CADPS: variants seen among roughly 807,000 people sequenced by gnomAD.
The protein encoded by CADPS is calcium-dependent secretion activator 1.
In CADPS, 57 loss-of-function variants were observed where a neutral mutation model predicts 167.3. The observed-to-expected ratio is 0.34, with a 90% confidence interval of 0.28 to 0.42. CADPS has a LOEUF of 0.42. Ranked by LOEUF, CADPS falls within the 20% of genes least tolerant of loss-of-function variation. CADPS has a pLI of 1.00. For synonymous variants in CADPS, 676 were observed against 635.3 expected, an observed-to-expected ratio of 1.06 and a Z score of -0.96; for missense variants, 1,414 against 1,738.1, an observed-to-expected ratio of 0.81 and a Z score of 3.32.
At chr3:62,615,516 A>C (rs1377321803) in intron 6 of CADPS, among the ~76,000 whole-genome samples, 1 of 152,172 alleles carries the variant, frequency 6.6e-6, no homozygotes, top group Non-Finnish European at 1.5e-5. Context: ...GAGTTGAATG[A>C]ATGTTGATTA....
chr3:62,552,343 C>T (rs568963661), intron 10 of CADPS, among the ~76,000 whole-genome samples: 4 of 151,966 alleles, frequency 2.6e-5, no homozygotes, highest in Non-Finnish European at 4.4e-5. Context: ...CAAACCTGCA[C>T]GTTGTGCACA....
chr3:62,825,912 G>T (rs375115580), intron 1 of CADPS, among the ~76,000 whole-genome samples: 1 of 152,178 alleles, frequency 6.6e-6, no homozygotes, highest in African/African-American at 2.4e-5. Flanking sequence ...GGAGATTTTC[G>T]CAGCACTTAA....
At position 62,593,425 on chromosome 3, in the gene CADPS, T is replaced by C. The variant is rs371662775; in HGVS notation, c.1326-677A>G. Among the ~76,000 whole-genome samples the C allele has an allele frequency of 8.5e-5, 13 of 152,342 alleles. No homozygotes were observed. In the East Asian group the frequency reaches 2.3e-3, roughly 27 times the overall value. On this transcript the variant is annotated intron_variant, in intron 6 of 29. Transcript: ENST00000383710. ...CACCAGGTGCGGCTCACATGAGCCC[T>C]TGATGTGCCCTTCAAATGCAGCCTC... is the stretch of plus-strand genomic sequence containing the variant.
rs533280088 is a variant in CADPS, at chr3:62,492,276, A to C, written c.2884+14T>G. 1 of 1,612,398 alleles carries C rather than the reference A, an allele frequency of 6.2e-7. No individual in the cohort carries two copies. Among genetic ancestry groups the C allele is most frequent in the African/African-American group, 1.3e-5 (1 of 74,998 alleles). ...ACTACTTAGGAAAGTCAAACAGTCA[A>C]AGGTAATACATACAGTCAGTACGGA... On this transcript the variant is annotated intron_variant, in intron 20 of 29. Transcript: ENST00000383710.
intron 28 of CADPS, among the ~76,000 whole-genome samples, chr3:62,417,653 C>A (rs1251357799): frequency 6.6e-6 from 1 of 151,944 alleles, no homozygotes; most frequent in East Asian, 1.9e-4. Context: ...CTCATTGAAT[C>A]TGATTTGGAA....
intron 3 of CADPS, among the ~76,000 whole-genome samples, chr3:62,671,499 G>C (rs1186251287): frequency 6.6e-6 from 1 of 152,116 alleles, no homozygotes; most frequent in Non-Finnish European, 1.5e-5. Context: ...TCTATCCCTT[G>C]CTAGCTGTGC....
At chr3:62,843,401 A>G (rs2076914844) in intron 1 of CADPS, among the ~76,000 whole-genome samples, 1 of 152,208 alleles carries the variant, frequency 6.6e-6, no homozygotes, top group Non-Finnish European at 1.5e-5. Context: ...TCTATGTTAA[A>G]GACAATTATC....
At chr3:62,490,301 TTAAAAAAAGAAA>T (rs2063491105) in intron 21 of CADPS, among the ~76,000 whole-genome samples, 1 of 151,224 alleles carries the variant, frequency 6.6e-6, no homozygotes, top group African/African-American at 2.4e-5. Flanking sequence ...AATGATTTCC[TTAAAAAAAGAAA>T]GAAAGAAAGA....
At chr3:62,416,375 T>C (rs776933671) in intron 28 of CADPS, among the ~76,000 whole-genome samples, 2 of 152,216 alleles carry the variant, frequency 1.3e-5, no homozygotes, top group Non-Finnish European at 2.9e-5. Flanking sequence ...TGACCTCTTA[T>C]CACAGGGCTC....
chr3:62,616,002 C>T (rs1562935779), intron 6 of CADPS, among the ~76,000 whole-genome samples: 1 of 152,130 alleles, frequency 6.6e-6, no homozygotes, highest in Non-Finnish European at 1.5e-5. Context: ...GTCTCCATCC[C>T]TCTCTAAAGA....
At chr3:62,582,059 A>G (rs1296436878) in intron 8 of CADPS, among the ~76,000 whole-genome samples, 1 of 152,216 alleles carries the variant, frequency 6.6e-6, no homozygotes, top group Non-Finnish European at 1.5e-5. Flanking sequence ...GTGCACACCA[A>G]TATTCATAAT....
chr3:62,728,514 A>T (rs1191203833), intron 3 of CADPS, among the ~76,000 whole-genome samples: 1 of 151,852 alleles, frequency 6.6e-6, no homozygotes, highest in African/African-American at 2.4e-5. Flanking sequence ...CCCTTCACAA[A>T]TAATTGTTAC....
rs1315851244 is a variant in CADPS at position 62,777,075 on chromosome 3, C to T, written c.442-11091G>A. Among the ~76,000 whole-genome samples, 3 of 152,174 alleles carry T rather than the reference C, an allele frequency of 2.0e-5. No individual in the cohort carries two copies. In the East Asian group the frequency reaches 5.8e-4, roughly 29 times the overall value. On this transcript the variant is annotated intron_variant, in intron 1 of 29. Transcript: ENST00000383710. ...GTCACAACTATTAAAAATGAAACGA[C>T]AGATTGTTCCATTTGGCTGGAGCTC...
intron 3 of CADPS, among the ~76,000 whole-genome samples, chr3:62,744,086 A>AC (rs1019621877): frequency 4.6e-5 from 7 of 151,024 alleles, no homozygotes; most frequent in African/African-American, 1.2e-4. Context: ...AAATTGTACA[A>AC]CCCCCCTTTT....
intron 6 of CADPS, among the ~76,000 whole-genome samples, chr3:62,627,879 C>G (rs2064415804): frequency 6.6e-6 from 1 of 152,088 alleles, no homozygotes; most frequent in Admixed American, 6.6e-5. Flanking sequence ...TATTTGAGGT[C>G]TCAAGTATAT....
intron 4 of CADPS, among the ~76,000 whole-genome samples, chr3:62,652,441 G>A (rs2070436058): frequency 1.3e-5 from 2 of 151,194 alleles, no homozygotes; most frequent in Non-Finnish European, 2.9e-5. Flanking sequence ...TGTAACATAT[G>A]GGCATCTGAG....
At chr3:62,817,259 A>T (rs1354187578) in intron 1 of CADPS, among the ~76,000 whole-genome samples, 1 of 152,180 alleles carries the variant, frequency 6.6e-6, no homozygotes, top group African/African-American at 2.4e-5. Flanking sequence ...ATATCTTGAA[A>T]GGTCAGATAC....
At chr3:62,608,976 T>A (rs1326514164) in intron 6 of CADPS, among the ~76,000 whole-genome samples, 1 of 152,170 alleles carries the variant, frequency 6.6e-6, no homozygotes, top group African/African-American at 2.4e-5. Flanking sequence ...TAAAAGGTAT[T>A]CATACTCTCC....
chr3:62,775,461 A>C (rs947859975), intron 1 of CADPS, among the ~76,000 whole-genome samples: 1 of 152,210 alleles, frequency 6.6e-6, no homozygotes, highest in African/African-American at 2.4e-5. Flanking sequence ...ACAATACATA[A>C]AAAATCATAT....
Sources: gnomAD v4.1 joint callset for allele counts (sites outside exome capture counted in the v4.1 genomes callset) on GRCh38, gnomAD v4.1.1 for gene constraint, MANE v1.5 for transcripts, NCBI Gene and HGNC (gene_info 2026-07-23, HGNC 2026-07-21) for gene names.